Variants in PIGL observed in about 807,000 individuals in gnomAD.
The protein encoded by PIGL is phosphatidylinositol glycan anchor biosynthesis class L.
A neutral mutation model predicts 31.1 loss-of-function variants in PIGL; 22 were observed. The observed-to-expected ratio is 0.71, with a 90% CI of 0.51 to 1.01. PIGL has a LOEUF of 1.01. Ranked by LOEUF, PIGL falls within the 50% of genes least tolerant of loss-of-function variation. The pLI, the probability that PIGL is intolerant of heterozygous loss-of-function variation, is 0.00. For synonymous variants in PIGL, 131 were observed against 117.4 expected (o/e 1.12, Z -0.75); for missense variants, 302 against 315.9 (o/e 0.96, Z 0.33).
intron 3 of PIGL, 72 bp from the exon 4 acceptor site, chr17:16,313,475 G>A: frequency 9.2e-7 from 1 of 1,089,620 alleles, no homozygotes; most frequent in Admixed American, 1.7e-5. Flanking sequence ...CCTTCCCAAG[G>A]GAAGGAGACA....
At chr17:16,269,648 CA>C (rs746630809) in intron 2 of PIGL, among the ~76,000 whole-genome samples, 118 of 61,048 alleles carry the variant, frequency 1.9e-3, no homozygotes, top group Middle Eastern at 0.013. Context: ...GACTCCGTCT[CA>C]AAAAAAAAAA....
chr17:16,286,468 A>G (rs1193421087), intron 2 of PIGL, among the ~76,000 whole-genome samples: 1 of 152,216 alleles, frequency 6.6e-6, no homozygotes, highest in Non-Finnish European at 1.5e-5. Context: ...TCTCCCGACT[A>G]AAATGTGCCG....
chr17:16,303,827 G>A (rs969774181), intron 3 of PIGL, among the ~76,000 whole-genome samples: 17 of 151,900 alleles, frequency 1.1e-4, no homozygotes, highest in South Asian at 6.2e-4. Flanking sequence ...CCATTCTCCC[G>A]CCTCAGCCTC....
At chr17:16,277,428 A>G (rs1025808543) in intron 2 of PIGL, among the ~76,000 whole-genome samples, 11 of 152,236 alleles carry the variant, frequency 7.2e-5, no homozygotes, top group African/African-American at 2.2e-4. Context: ...ACTTTACTCA[A>G]TTGTTAAAAG....
chr17:16,238,737 C>T (rs1480870644), intron 2 of PIGL, among the ~76,000 whole-genome samples: 1 of 149,906 alleles, frequency 6.7e-6, no homozygotes, highest in Non-Finnish European at 1.5e-5. Flanking sequence ...GGTGAAACCC[C>T]GTCTCTACTA....
chr17:16,263,611 G>C (rs1224193504), intron 2 of PIGL, among the ~76,000 whole-genome samples: 1 of 151,398 alleles, frequency 6.6e-6, no homozygotes, highest in African/African-American at 2.4e-5. Context: ...TGCAACCTCT[G>C]CTTTCCGGAT....
chr17:16,234,622 G>A (rs970277465), intron 2 of PIGL, among the ~76,000 whole-genome samples: 1 of 152,084 alleles, frequency 6.6e-6, no homozygotes, highest in African/African-American at 2.4e-5. Context: ...AAAATTAGCC[G>A]GGCGTATTGG....
chr17:16,217,853 C>CT lies in PIGL; in HGVS notation c.235+394dup, dbSNP rs569160491. 355 of 161,306 alleles carry CT rather than the reference C, an allele frequency of 2.2e-3. 17 individuals carry two copies. In the South Asian group the frequency reaches 0.065, roughly 30 times the overall value. 10.0% of individuals were successfully genotyped at this position (161,306 alleles called of 1,614,324 possible). On this transcript the variant is annotated intron_variant, in intron 1 of 6. Coordinates refer to ENST00000225609, the MANE Select transcript of PIGL (RefSeq NM_004278.4). ...TATGCTGTATCGTGCCTGCTCAATC[C>CT]TTAAAGTTAACTTCTAATGATAGTA... is the stretch of plus-strand genomic sequence containing the variant.
intron 2 of PIGL, among the ~76,000 whole-genome samples, chr17:16,258,270 C>G (rs551777621): frequency 6.8e-6 from 1 of 147,730 alleles, no homozygotes; most frequent in African/African-American, 2.5e-5. Flanking sequence ...ACCTCTGCCT[C>G]CCAGGTTCAA....
intron 3 of PIGL, among the ~76,000 whole-genome samples, chr17:16,305,398 C>A (rs925631137): frequency 1.4e-4 from 22 of 152,164 alleles, no homozygotes; most frequent in Non-Finnish European, 2.9e-5. Flanking sequence ...CCACAGTTAC[C>A]TATTTATTGG....
intron 2 of PIGL, 23 bp from the exon 3 acceptor site, chr17:16,299,865 C>G (rs1326278164): frequency 3.2e-6 from 5 of 1,570,582 alleles, no homozygotes; most frequent in Non-Finnish European, 4.4e-6. Context: ...AAAAGGTGTT[C>G]AAGTTGTGCT....
intron 6 of PIGL, among the ~76,000 whole-genome samples, chr17:16,323,785 T>G (rs1179006696): frequency 1.3e-5 from 2 of 148,512 alleles, no homozygotes; most frequent in South Asian, 2.1e-4. Context: ...CCTGGCTAAT[T>G]GTTTTGTATT....
intron 6 of PIGL, among the ~76,000 whole-genome samples, chr17:16,325,034 G>C (rs1380832507): frequency 6.6e-6 from 1 of 151,984 alleles, no homozygotes; most frequent in Non-Finnish European, 1.5e-5. Context: ...TGAGGTAGTA[G>C]CAACGTGATT....
At chr17:16,273,089 A>G (rs548708786) in intron 2 of PIGL, among the ~76,000 whole-genome samples, 27 of 152,312 alleles carry the variant, frequency 1.8e-4, no homozygotes, top group African/African-American at 5.3e-4. Flanking sequence ...TATCTCAAAT[A>G]TCAGGTCCTA....
intron 2 of PIGL, chr17:16,279,754 G>A (rs2092909121): frequency 6.6e-6 from 1 of 152,184 alleles, no homozygotes; most frequent in Admixed American, 6.5e-5. Flanking sequence ...CCTGGGAATG[G>A]GGTGAATACA....
chr17:16,240,377 T>G (rs1015555699), intron 2 of PIGL, among the ~76,000 whole-genome samples: 109 of 152,066 alleles, frequency 7.2e-4, no homozygotes, highest in African/African-American at 2.5e-3. Context: ...GAGAAGGAAC[T>G]AATGAACCCA....
chr17:16,236,392 C>G (rs2092699832), intron 2 of PIGL, among the ~76,000 whole-genome samples: 1 of 152,104 alleles, frequency 6.6e-6, no homozygotes, highest in African/African-American at 2.4e-5. Flanking sequence ...TGACCTCTGT[C>G]TTTTATGATT....
chr17:16,249,484 AAAAACAAAAC>A (rs201292702), intron 2 of PIGL, among the ~76,000 whole-genome samples: 4 of 152,264 alleles, frequency 2.6e-5, no homozygotes, highest in African/African-American at 9.6e-5. Context: ...AGACAAGAAC[AAAAACAAAAC>A]AAAACAAAAC....
intron 6 of PIGL, among the ~76,000 whole-genome samples, chr17:16,322,627 C>T (rs989321314): frequency 6.6e-6 from 1 of 152,024 alleles, no homozygotes; most frequent in Non-Finnish European, 1.5e-5. Context: ...AAACATGTGT[C>T]GATCTTCATT....
Sources: allele counts gnomAD v4.1 joint callset (sites outside exome capture counted in the v4.1 genomes callset), GRCh38; gene constraint gnomAD v4.1.1; transcripts MANE v1.5; gene names NCBI Gene and HGNC (gene_info 2026-07-23, HGNC 2026-07-21).